Variants in GRM8 observed in about 807,000 individuals in gnomAD.
GRM8 encodes metabotropic glutamate receptor 8.
Under a neutral mutation model 87.2 loss-of-function variants are expected in GRM8, and 47 were observed. The ratio of observed to expected loss-of-function variants is 0.54; its 90% CI spans 0.43 to 0.69. GRM8 has a LOEUF of 0.69. Ranked by LOEUF, GRM8 falls within the 30% of genes least tolerant of loss-of-function variation. The probability of loss-of-function intolerance (pLI) is 0.00; values close to 1 mark genes in which losing one functional copy is unlikely to be tolerated. For missense variants in GRM8, 1,019 were observed against 1,139.2 expected (o/e 0.89, Z 1.52); for synonymous variants, 396 against 404.5 (o/e 0.98, Z 0.25).
chr7:126,835,415 C>A (rs996781970), intron 6 of GRM8, among the ~76,000 whole-genome samples: 1 of 151,968 alleles, frequency 6.6e-6, no homozygotes, highest in African/African-American at 2.4e-5. Context: ...TCAATGATTC[C>A]GGTGAAATAT....
At chr7:126,719,614 A>G (rs1812150624) in intron 7 of GRM8, among the ~76,000 whole-genome samples, 1 of 152,140 alleles carries the variant, frequency 6.6e-6, no homozygotes, top group Non-Finnish European at 1.5e-5. Context: ...CCACCACGAC[A>G]CCTTACAGAG....
intron 8 of GRM8, among the ~76,000 whole-genome samples, chr7:126,595,720 G>T (rs1006440349): frequency 2.6e-5 from 4 of 152,112 alleles, no homozygotes; most frequent in African/African-American, 9.7e-5. Context: ...ATTCCATGAT[G>T]TATACGTACC....
chr7:127,076,465 C>A (rs1473454030), intron 3 of GRM8, among the ~76,000 whole-genome samples: 2 of 152,092 alleles, frequency 1.3e-5, no homozygotes, highest in East Asian at 3.9e-4. Context: ...AGAGAGAGTC[C>A]CCAAGGCTGG....
chr7:126,520,333 T>A (rs1039099209), intron 9 of GRM8, among the ~76,000 whole-genome samples: 1 of 152,154 alleles, frequency 6.6e-6, no homozygotes, highest in Admixed American at 6.6e-5. Context: ...CAATGAATAG[T>A]GACCATTTTA....
intron 3 of GRM8, 65 bp downstream of exon 3, chr7:127,106,431 G>A (rs1209564752): frequency 4.1e-5 from 51 of 1,256,838 alleles, no homozygotes; most frequent in Non-Finnish European, 5.8e-5. Flanking sequence ...GAGAGCACTT[G>A]GAGATGCTCA....
intron 6 of GRM8, among the ~76,000 whole-genome samples, chr7:126,794,887 G>T (rs1821785944): frequency 6.6e-6 from 1 of 152,072 alleles, no homozygotes; most frequent in Non-Finnish European, 1.5e-5. Flanking sequence ...GCTAGCCAGT[G>T]GTTCCCAAGT....
intron 9 of GRM8, among the ~76,000 whole-genome samples, chr7:126,520,087 G>T (rs1016687356): frequency 6.9e-6 from 1 of 144,696 alleles, no homozygotes; most frequent in South Asian, 2.2e-4. Flanking sequence ...ATGGACAAAA[G>T]GAGATTTGAC....
At chr7:126,470,374 G>A (rs990502610) in intron 9 of GRM8, among the ~76,000 whole-genome samples, 1 of 123,710 alleles carries the variant, frequency 8.1e-6, no homozygotes, top group Non-Finnish European at 1.6e-5. Context: ...CAGAGTGTGA[G>A]GTTCCCCTTC....
At chr7:127,038,953 A>G (rs1818101162) in intron 3 of GRM8, among the ~76,000 whole-genome samples, 1 of 152,202 alleles carries the variant, frequency 6.6e-6, no homozygotes, top group African/African-American at 2.4e-5. Context: ...GACTTTGGGA[A>G]ACCTCCAAAA....
At chr7:127,220,584 A>C (rs1383108861) in intron 2 of GRM8, among the ~76,000 whole-genome samples, 1 of 152,094 alleles carries the variant, frequency 6.6e-6, no homozygotes, top group Non-Finnish European at 1.5e-5. Flanking sequence ...TCCCAGGCCC[A>C]AATGATCCTC....
At chr7:126,675,751 A>C (rs1806891415) in intron 7 of GRM8, among the ~76,000 whole-genome samples, 1 of 152,210 alleles carries the variant, frequency 6.6e-6, no homozygotes, top group Non-Finnish European at 1.5e-5. Flanking sequence ...CAAAATAATA[A>C]AAGCCATCTA....
chr7:127,014,847 G>A (rs1815242779), intron 3 of GRM8, among the ~76,000 whole-genome samples: 1 of 150,958 alleles, frequency 6.6e-6, no homozygotes, highest in South Asian at 2.1e-4. Context: ...TTCCTGTGAA[G>A]GAAAGTCAGT....
rs111489156 is a variant in GRM8 at position 127,233,021 on chromosome 7, G to A, written c.510+9674C>T. On this transcript the variant is annotated intron_variant, in intron 2 of 10. Coordinates refer to ENST00000339582, the MANE Select transcript of GRM8 (RefSeq NM_000845.3). ...CCCAGCTAATTTTGTATTTAGAGAC[G>A]GGGTTTCACCATGTTTGTCAGGCTT... Among the ~76,000 whole-genome samples, 266 of 152,036 alleles carry A rather than the reference G, an allele frequency of 1.7e-3. 1 individual carries two copies. Among genetic ancestry groups the A allele is most frequent in the African/African-American group, 6.0e-3 (249 of 41,460 alleles).
rs35546815 is a variant in GRM8, at chr7:126,653,300, CA to C, written c.1358-43803del. 2.0e-3 allele frequency among the ~76,000 whole-genome samples: 218 copies of C among 109,020 alleles called. 2 individuals are homozygous for C. The highest frequency in any genetic ancestry group is 6.0e-3 in the Middle Eastern group (1 of 166). 71.5% of individuals were successfully genotyped at this position (109,020 alleles called of 152,430 possible). ...GGGTGACAGAGTGAGATCCTGTCTC[CA>C]AAAAAAAAAAAAAAAGGCAAGGAGA... On this transcript the variant is annotated intron_variant, in intron 7 of 10. Coordinates refer to ENST00000339582, the MANE Select transcript of GRM8 (RefSeq NM_000845.3).
At chr7:126,988,726 T>C (rs1483914753) in intron 3 of GRM8, among the ~76,000 whole-genome samples, 1 of 152,230 alleles carries the variant, frequency 6.6e-6, no homozygotes, top group Non-Finnish European at 1.5e-5. Flanking sequence ...TAATTCTACA[T>C]TTTATTTTGG....
Position 126,728,446 on chromosome 7 carries a change from C to T in GRM8, c.1357+41419G>A, listed in dbSNP as rs146402777. 6.3e-3 allele frequency among the ~76,000 whole-genome samples: 952 copies of T among 152,162 alleles called. 10 individuals carry two copies. The highest frequency in any genetic ancestry group is 0.021 in the African/African-American group (887 of 41,532). On this transcript the variant is annotated intron_variant, in intron 7 of 10. Coordinates refer to ENST00000339582, the MANE Select transcript of GRM8 (RefSeq NM_000845.3). ...GCAGTAATGATGCAGAAAAGGAAAGCCTCCTAGATACTAGGAACTGGGCTT... is the reference window on the plus strand; with the variant it reads ...GCAGTAATGATGCAGAAAAGGAAAGTCTCCTAGATACTAGGAACTGGGCTT...
chr7:127,149,813 A>G (rs1828753225), intron 2 of GRM8, among the ~76,000 whole-genome samples: 1 of 152,102 alleles, frequency 6.6e-6, no homozygotes, highest in Admixed American at 6.6e-5. Context: ...GGGGAAAAAA[A>G]TCACATGACC....
intron 3 of GRM8, among the ~76,000 whole-genome samples, chr7:126,920,166 C>T (rs1404311526): frequency 6.6e-6 from 1 of 152,220 alleles, no homozygotes; most frequent in Non-Finnish European, 1.5e-5. Flanking sequence ...CGTGTGAGAA[C>T]ACAGTGAGAA....
At chr7:126,478,242 T>C (rs1806234291) in intron 9 of GRM8, among the ~76,000 whole-genome samples, 1 of 152,182 alleles carries the variant, frequency 6.6e-6, no homozygotes. Context: ...CTTGCCTAAA[T>C]TAATTTTCTT....
Sources: gnomAD v4.1 joint callset for allele counts (sites outside exome capture counted in the v4.1 genomes callset) on GRCh38, gnomAD v4.1.1 for gene constraint, MANE v1.5 for transcripts, NCBI Gene and HGNC (gene_info 2026-07-23, HGNC 2026-07-21) for gene names.